Variants in ZNF813 observed in about 807,000 individuals in gnomAD.
The protein encoded by ZNF813 is zinc finger protein 813.
Under a neutral mutation model 7.2 loss-of-function variants are expected in ZNF813, and 3 were observed. That is an observed-to-expected ratio of 0.42 (90% confidence interval 0.19 to 1.08). The LOEUF is 1.08. ZNF813 is among the 50% of genes least tolerant of loss of function. The probability of loss-of-function intolerance (pLI) is 0.30; values close to 1 mark genes in which losing one functional copy is unlikely to be tolerated. For missense variants in ZNF813, 714 were observed against 753.3 expected, an observed-to-expected ratio of 0.95 and a Z score of 0.61; for synonymous variants, 227 against 256.3, an observed-to-expected ratio of 0.89 and a Z score of 1.09.
chr19:53,468,883 A>C (rs1286174786), intron 1 of ZNF813, among the ~76,000 whole-genome samples: 8 of 88,590 alleles, frequency 9.0e-5, no homozygotes, highest in South Asian at 3.0e-4. Flanking sequence ...CTCTTTCACT[A>C]CTCCTCCTCA....
At chr19:53,477,860 G>A (rs2086389262) in intron 1 of ZNF813, among the ~76,000 whole-genome samples, 1 of 152,160 alleles carries the variant, frequency 6.6e-6, no homozygotes, top group African/African-American at 2.4e-5. Context: ...GTTCAGATGA[G>A]TGGGTGAGTT....
At chr19:53,469,426 GT>G (rs2086344914) in intron 1 of ZNF813, among the ~76,000 whole-genome samples, 1 of 152,090 alleles carries the variant, frequency 6.6e-6, no homozygotes, top group South Asian at 2.1e-4. Context: ...ATGTGATTCT[GT>G]GGGCTAAAGG....
chr19:53,491,164 A>C lies in ZNF813; in HGVS notation c.932A>C (p.Lys311Thr). 6.2e-7 allele frequency: 1 copy of C among 1,614,072 alleles called. No individual in the cohort carries two copies. Among genetic ancestry groups the C allele is most frequent in the Non-Finnish European group, 8.5e-7 (1 of 1,179,990 alleles). ...CEECDKAFSF[K>T]SNLKRHRRIH... ...GAATGTGACAAAGCTTTCAGTTTCA[A>C]ATCAAACCTTAAAAGACATAGGAGA... The change falls in exon 4 of 4, where the codon AAA (lysine) becomes ACA (threonine). Residue 311 changes from lysine (K) to threonine (T), a missense_variant. By Grantham distance (78) the Lys-to-Thr change is moderately conservative (BLOSUM62 -1). Around this residue, in one of 3 missense-constraint regions of ZNF813, gnomAD observed 563 missense variants for 554.2 expected, o/e 1.02. Transcript: ENST00000396403.
chr19:53,469,817 G>A (rs373773946), intron 1 of ZNF813, among the ~76,000 whole-genome samples: 2 of 151,236 alleles, frequency 1.3e-5, no homozygotes, highest in African/African-American at 2.4e-5. Context: ...GTATAACAGG[G>A]AAGAGAGAAT....
Position 53,493,041 on chromosome 19 carries a change from C to T in ZNF813, c.*955C>T, listed in dbSNP as rs10409961. 0.068 allele frequency: 28,031 copies of T among 410,078 alleles called. 1,105 individuals carry two copies. The highest frequency in any genetic ancestry group is 0.12 in the East Asian group (1,643 of 14,242). 25.4% of individuals were successfully genotyped at this position (410,078 alleles called of 1,614,324 possible). On this transcript the variant is annotated 3_prime_UTR_variant, in exon 4 of 4. Coordinates refer to ENST00000396403, the MANE Select transcript of ZNF813 (RefSeq NM_001004301.4). ...AAAATTCATTTTGAGATAATTGTTC[C>T]AAATGCAATGAGTAGAGCAAACCAT...
intron 1 of ZNF813, 150 bp downstream of exon 1, chr19:53,467,939 G>A (rs1018168717): frequency 4.6e-5 from 7 of 152,438 alleles, no homozygotes; most frequent in African/African-American, 1.4e-4. Context: ...GAGTCCGGGG[G>A]TCGCTTCCTT....
chr19:53,468,312 G>A (rs2086338519), intron 1 of ZNF813, among the ~76,000 whole-genome samples: 1 of 152,036 alleles, frequency 6.6e-6, no homozygotes. Context: ...CCACGTTGGG[G>A]AGGTGCCCGG....
At chr19:53,475,559 T>C (rs999906562) in intron 1 of ZNF813, among the ~76,000 whole-genome samples, 5 of 152,292 alleles carry the variant, frequency 3.3e-5, no homozygotes, top group South Asian at 2.1e-4. Context: ...CCCTTGGTAC[T>C]GAGTCATCCT....
rs1332013670 is a variant in ZNF813 at position 53,486,698 on chromosome 19, G to C, written c.82G>C (p.Ala28Pro). 2 of 1,614,134 alleles carry C rather than the reference G, an allele frequency of 1.2e-6. No homozygotes were observed. The highest frequency in any genetic ancestry group is 1.7e-6 in the Non-Finnish European group (2 of 1,179,976). Residue 28 changes from alanine (A) to proline (P), a missense_variant, in exon 3 of 4, where the codon GCT (alanine) becomes CCT (proline). Around this residue, in one of 3 missense-constraint regions of ZNF813, gnomAD observed 29 missense variants for 52.3 expected, o/e 0.55. Transcript: ENST00000396403. ...SQEEWKCLDP[A>P]QRTLYRDVML... is the part of the protein sequence containing the mutation. ...GGAGGAGTGGAAATGCCTGGACCCT[G>C]CTCAGAGGACTCTATACAGGGACGT...
chr19:53,471,256 G>A (rs969354805), intron 1 of ZNF813, among the ~76,000 whole-genome samples: 1 of 152,106 alleles, frequency 6.6e-6, no homozygotes, highest in Non-Finnish European at 1.5e-5. Context: ...GGCCCTTGGT[G>A]CACAGATCTA....
chr19:53,472,036 G>A (rs12459869), intron 1 of ZNF813, among the ~76,000 whole-genome samples: 43,221 of 151,662 alleles, frequency 0.28, 6,249 homozygotes, highest in East Asian at 0.44. Context: ...CTTCTAGTCT[G>A]CATGCTTATG....
chr19:53,488,391 A>G, intron 3 of ZNF813: 1 of 292,560 alleles, frequency 3.4e-6, no homozygotes, highest in Non-Finnish European at 6.7e-6. Flanking sequence ...GACTCTTTAG[A>G]CTTCTTTCAT....
intron 1 of ZNF813, among the ~76,000 whole-genome samples, chr19:53,475,503 A>C (rs2086377939): frequency 6.6e-6 from 1 of 152,286 alleles, no homozygotes; most frequent in South Asian, 2.1e-4. Context: ...TAGCCGGGTT[A>C]GGGTGTTTAC....
rs113964910 is a variant in ZNF813 at position 53,479,518 on chromosome 19, C to T, written c.-73-4232C>T. The T allele has an allele frequency of 3.7e-3, 5,011 of 1,339,416 alleles. 134 individuals carry two copies. In the African/African-American group the frequency reaches 0.063, roughly 17 times the overall value. 83.0% of individuals were successfully genotyped at this position (1,339,416 alleles called of 1,614,324 possible). ...GGCCTCCGTGAACGGTAGGATCCAG[C>T]TGGTTGAAGAGGAGCTGGACTGTGC... On this transcript the variant is annotated intron_variant, in intron 1 of 3. Coordinates refer to ENST00000396403, the MANE Select transcript of ZNF813 (RefSeq NM_001004301.4).
chr19:53,470,009 A>G (rs915121258), intron 1 of ZNF813, among the ~76,000 whole-genome samples: 10 of 151,608 alleles, frequency 6.6e-5, no homozygotes, highest in Admixed American at 3.3e-4. Flanking sequence ...TTACAGAAGC[A>G]AAATAAAAGC....
chr19:53,486,559 C>CA, intron 2 of ZNF813, 73 bp from the exon 3 acceptor site: 1 of 1,611,898 alleles, frequency 6.2e-7, no homozygotes, highest in African/African-American at 1.3e-5. Flanking sequence ...TTTCCCCTCT[C>CA]TCCTCTTCTC....
At chr19:53,473,067 A>G (rs1029012356) in intron 1 of ZNF813, among the ~76,000 whole-genome samples, 33 of 152,316 alleles carry the variant, frequency 2.2e-4, no homozygotes, top group African/African-American at 6.3e-4. Context: ...TAAGGAGGGT[A>G]GCAACAGCAA....
Position 53,490,674 on chromosome 19 carries a change from C to G in ZNF813, c.442C>G (p.Leu148Val). ...DQLGSSFHSH[L>V]PELHMFQTQG... ...GCTTGGATCAAGCTTTCATTCGCAT[C>G]TGCCTGAACTCCACATGTTTCAGAC... Residue 148 changes from leucine (L) to valine (V), a missense_variant, in exon 4 of 4, where the codon CTG becomes GTG. Leu to Val is a conservative substitution (Grantham distance 32). This residue lies in a region of ZNF813 where 563 missense variants were observed against 554.2 expected (regional missense o/e 1.02). Coordinates refer to ENST00000396403, the MANE Select transcript of ZNF813 (RefSeq NM_001004301.4). The G allele has an allele frequency of 1.2e-6, 2 of 1,614,150 alleles. No homozygotes were observed. The highest frequency in any genetic ancestry group is 8.5e-7 in the Non-Finnish European group (1 of 1,180,026).
At position 53,485,549 on chromosome 19, in the gene ZNF813, T is replaced by C. The variant is rs1404611847; in HGVS notation, c.16-1083T>C. Among the ~76,000 whole-genome samples, 4 of 148,236 alleles carry C rather than the reference T, an allele frequency of 2.7e-5. No homozygotes were observed. The South Asian group carries it at 8.8e-4, about 33-fold the overall frequency. ...TAGGTTTCATTATTTTGTTGACATA[T>C]ATGTATGTCATGACATATATACATG... On this transcript the variant is annotated intron_variant, in intron 2 of 3. Coordinates refer to ENST00000396403, the MANE Select transcript of ZNF813 (RefSeq NM_001004301.4).
Sources: gnomAD v4.1 joint callset for allele counts (sites outside exome capture counted in the v4.1 genomes callset) on GRCh38, gnomAD v4.1.1 for gene constraint, gnomAD v4.1.1 regional missense constraint, MANE v1.5 for transcripts, NCBI Gene and HGNC (gene_info 2026-07-23, HGNC 2026-07-21) for gene names.